KRT6B: variants seen among roughly 807,000 people sequenced by gnomAD.
The protein encoded by KRT6B is keratin 6B.
Under a neutral mutation model 44.7 loss-of-function variants are expected in KRT6B, and 29 were observed. That is an observed-to-expected ratio of 0.65 (90% CI 0.48 to 0.88). The LOEUF (loss-of-function observed/expected upper bound fraction) is 0.88, where lower values mean the gene tolerates loss of function less well. Ranked by LOEUF, KRT6B falls within the 40% of genes least tolerant of loss-of-function variation. The pLI, the probability that KRT6B is intolerant of heterozygous loss-of-function variation, is 0.00. For synonymous variants in KRT6B, 213 were observed against 296.0 expected (o/e 0.72, Z 2.88); for missense variants, 600 against 724.0 (o/e 0.83, Z 1.97).
Position 52,446,822 on chromosome 12 carries a change from T to C in KRT6B, c.*368A>G, listed in dbSNP as rs906552218. 3 of 321,322 alleles carry C rather than the reference T, an allele frequency of 9.3e-6. No homozygotes were observed. Among genetic ancestry groups the C allele is most frequent in the African/African-American group, 6.3e-5 (3 of 47,382 alleles). 19.9% of individuals were successfully genotyped at this position (321,322 alleles called of 1,614,324 possible). A position where few individuals can be genotyped will look rare whatever the true frequency, so the allele number is the denominator to read the frequency against. ...AGATGAGAACTCCTGAGTGTAGCTA[T>C]AATGGGCAGGATGGTTAGCAATTAA... is the stretch of plus-strand genomic sequence containing the variant. On this transcript the variant is annotated 3_prime_UTR_variant, in exon 9 of 9. Coordinates refer to ENST00000252252, the MANE Select transcript of KRT6B (RefSeq NM_005555.4).
chr12:52,448,416 C>G (rs1940346882), intron 6 of KRT6B, among the ~76,000 whole-genome samples: 1 of 152,180 alleles, frequency 6.6e-6, no homozygotes, highest in African/African-American at 2.4e-5. Flanking sequence ...GCCTCACATC[C>G]TCTCACCTGC....
rs1940353079 is a variant in KRT6B at position 52,448,887 on chromosome 12, G to A, written c.1158C>T (p.Arg386=). ...TCTCAGATCTCAGCCTCTGGATCAT[G>A]CGGTTGATCTCAGCAATCTCCTGCT... ...NTKQEIAEIN[R]MIQRLRSEID... The change falls in exon 6 of 9, where the codon CGC becomes CGT. Residue 386 remains arginine (R), a synonymous_variant. Transcript: ENST00000252252. 1.2e-6 allele frequency: 2 copies of A among 1,613,990 alleles called. No homozygotes were observed. Among genetic ancestry groups the A allele is most frequent in the African/African-American group, 1.3e-5 (1 of 74,966 alleles).
chr12:52,450,839 A>G (rs1342406150), intron 1 of KRT6B, among the ~76,000 whole-genome samples: 3 of 152,230 alleles, frequency 2.0e-5, no homozygotes, highest in Admixed American at 6.5e-5. Context: ...GTGTTCTCGC[A>G]CTGTAAGCTA....
At chr12:52,449,346 A>T (rs1269440323) in intron 5 of KRT6B, 123 bp downstream of exon 5, 8 of 1,401,322 alleles carry the variant, frequency 5.7e-6, no homozygotes, top group African/African-American at 1.4e-5. Flanking sequence ...AATAGTGCAG[A>T]GTGCATGTCC....
At chr12:52,451,201 T>C (rs1269618332) in intron 1 of KRT6B, among the ~76,000 whole-genome samples, 1 of 151,242 alleles carries the variant, frequency 6.6e-6, no homozygotes, top group East Asian at 1.9e-4. Flanking sequence ...CAGAGTGTAA[T>C]TTACCAGCCC....
In KRT6B at chr12:52,447,550, T is replaced by A; in HGVS notation, c.1448A>T (p.Gln483Leu). The A allele has an allele frequency of 6.2e-7, 1 of 1,613,974 alleles. No individual in the cohort carries two copies. The highest frequency in any genetic ancestry group is 8.5e-7 in the Non-Finnish European group (1 of 1,179,870). Residue 483 changes from glutamine (Q) to leucine (L), a missense_variant, in exon 8 of 9, where the codon CAA (glutamine) becomes CTA (leucine). Around this residue, in one of 4 missense-constraint regions of KRT6B, gnomAD observed 479 missense variants for 454.2 expected, o/e 1.05. Coordinates refer to ENST00000252252, the MANE Select transcript of KRT6B (RefSeq NM_005555.4). ...ECRLNGEGVG[Q>L]VNISVVQSTV... Reference sequence around the variant, plus strand: ...ACAAAGGTACTTACAGATGTTGACTTGTCCAACGCCTTCGCCATTCAGCCT... The same window carrying A: ...ACAAAGGTACTTACAGATGTTGACTAGTCCAACGCCTTCGCCATTCAGCCT...
intron 6 of KRT6B, 79 bp from the exon 7 acceptor site, chr12:52,448,077 G>A: frequency 6.3e-7 from 1 of 1,582,904 alleles, no homozygotes; most frequent in African/African-American, 1.3e-5. Context: ...CTTTTCCAGT[G>A]AAGAAGGCAC....
At chr12:52,447,517 G>A in intron 8 of KRT6B, 22 bp downstream of exon 8, 1 of 1,614,084 alleles carries the variant, frequency 6.2e-7, no homozygotes, top group Non-Finnish European at 8.5e-7. Flanking sequence ...GGCAGGGGAG[G>A]AAGGCAAACA....
intron 6 of KRT6B, 141 bp downstream of exon 6, chr12:52,448,701 C>T (rs1940350120): frequency 1.4e-6 from 2 of 1,393,466 alleles, no homozygotes; most frequent in East Asian, 2.4e-5. Flanking sequence ...AGAGTGTTCT[C>T]ACTGAGCCTA....
In KRT6B at chr12:52,449,623, T is replaced by G. The variant is rs756807390; in HGVS notation, c.923A>C (p.Gln308Pro). ...TGTGTCTGAGATGTGGGTCTGCATCTGGGACAGCTCCTGCAGAACAGAAGG... is the reference window on the plus strand; with the variant it reads ...TGTGTCTGAGATGTGGGTCTGCATCGGGGACAGCTCCTGCAGAACAGAAGG... The part of the protein sequence containing the change: ...LRALYDAELS[Q>P]MQTHISDTSV... Residue 308 changes from glutamine to proline, a missense_variant, in exon 5 of 9, where the codon CAG becomes CCG. Around this residue, in one of 4 missense-constraint regions of KRT6B, gnomAD observed 479 missense variants for 454.2 expected, o/e 1.05. Transcript: ENST00000252252. 1.9e-6 allele frequency: 3 copies of G among 1,614,212 alleles called. No homozygotes were observed. In the Admixed American group the frequency reaches 5.0e-5, roughly 27 times the overall value.
chr12:52,450,958 C>T (rs192799871), intron 1 of KRT6B, among the ~76,000 whole-genome samples: 12 of 152,002 alleles, frequency 7.9e-5, no homozygotes, highest in Admixed American at 3.3e-4. Context: ...TTTTTTTTAC[C>T]GAGAGGATCT....
At chr12:52,449,959 G>C (rs571489073) in intron 3 of KRT6B, 53 bp downstream of exon 3, 1 of 1,613,884 alleles carries the variant, frequency 6.2e-7, no homozygotes, top group East Asian at 2.2e-5. Context: ...CGAGGACACA[G>C]AGCCACTTCT....
In KRT6B at chr12:52,447,302, C is replaced by A; in HGVS notation, c.1583G>T (p.Ser528Ile). 1 of 1,614,056 alleles carries A rather than the reference C, an allele frequency of 6.2e-7. No individual in the cohort carries two copies. The highest frequency in any genetic ancestry group is 8.5e-7 in the Non-Finnish European group (1 of 1,179,884). Residue 528 changes from serine to isoleucine, a missense_variant, in exon 9 of 9, where the codon AGT (serine) becomes ATT (isoleucine). This residue lies in a region of KRT6B where 479 missense variants were observed against 454.2 expected (regional missense o/e 1.05). Coordinates refer to ENST00000252252, the MANE Select transcript of KRT6B (RefSeq NM_005555.4). ...GSGLGVGGGF[S>I]SSSGRATGGG... ...CCCAGTGGCTCTGCCGCTGCTGGAACTAAAGCCGCCTCCAACGCCAAGACC... is the reference window on the plus strand; with the variant it reads ...CCCAGTGGCTCTGCCGCTGCTGGAAATAAAGCCGCCTCCAACGCCAAGACC...
chr12:52,449,977 T>G lies in KRT6B; in HGVS notation c.816+35A>C, dbSNP rs753915159. On this transcript the variant is annotated intron_variant, in intron 3 of 8. Coordinates refer to ENST00000252252, the MANE Select transcript of KRT6B (RefSeq NM_005555.4). ...GGACACAGAGCCACTTCTCTCCTTC[T>G]AAATGAATTTGAACCCCTGGCTTCA... is the stretch of plus-strand genomic sequence containing the variant. 3 of 1,613,814 alleles carry G rather than the reference T, an allele frequency of 1.9e-6. No individual in the cohort carries two copies. The Admixed American group carries it at 5.0e-5, about 27-fold the overall frequency.
chr12:52,450,049 C>T lies in KRT6B; in HGVS notation c.779G>A (p.Arg260His), dbSNP rs377313061. ...KNKYEDEINK[R>H]TAAENEFVTL... Reference sequence around the variant, plus strand: ...CACAAATTCATTCTCTGCTGCTGTGCGCTTGTTGATTTCATCCTCATATCT... The same window carrying T: ...CACAAATTCATTCTCTGCTGCTGTGTGCTTGTTGATTTCATCCTCATATCT... The change falls in exon 3 of 9, where the codon CGC (arginine) becomes CAC (histidine). Residue 260 changes from arginine to histidine, a missense_variant. Arg to His is a conservative substitution (Grantham distance 29). Coordinates refer to ENST00000252252, the MANE Select transcript of KRT6B (RefSeq NM_005555.4). 4.0e-5 allele frequency: 65 copies of T among 1,613,822 alleles called. No individual in the cohort carries two copies. The highest frequency in any genetic ancestry group is 1.5e-4 in the Admixed American group (9 of 59,996).
At chr12:52,450,276 C>G in intron 2 of KRT6B, 130 bp downstream of exon 2, 1 of 1,439,768 alleles carries the variant, frequency 6.9e-7, no homozygotes, top group Non-Finnish European at 9.7e-7. Flanking sequence ...GTGGTTCTTG[C>G]AGGTTTGCTC....
Position 52,447,390 on chromosome 12 carries a change from C to T in KRT6B, c.1495G>A (p.Gly499Ser), listed in dbSNP as rs61746355. 49,833 of 1,614,014 alleles carry T rather than the reference C, an allele frequency of 0.031. 943 individuals carry two copies. The highest frequency in any genetic ancestry group is 0.039 in the Middle Eastern group (236 of 6,058). Residue 499 changes from glycine to serine, a missense_variant, in exon 9 of 9, where the codon GGT (glycine) becomes AGT (serine). Around this residue, in one of 4 missense-constraint regions of KRT6B, gnomAD observed 479 missense variants for 454.2 expected, o/e 1.05. Transcript: ENST00000252252. ...VQSTVSSGYG[G>S]ASGVGSGLGL... The stretch of plus-strand genomic sequence containing the variant: ...AAGCCACTGCCGACACCGCTGGCAC[C>T]GCCATAGCCACTGGAGACGGTGGAC...
At position 52,451,871 on chromosome 12, in the gene KRT6B, T is replaced by C; in HGVS notation, c.208A>G (p.Ile70Val). 4.3e-6 allele frequency: 7 copies of C among 1,612,156 alleles called. No individual in the cohort carries two copies. Among genetic ancestry groups the C allele is most frequent in the Non-Finnish European group, 5.9e-6 (7 of 1,179,888 alleles). Reference protein sequence around the residue: ...SLYGLGGSKRISIGGGSCAIS... With the variant: ...SLYGLGGSKRVSIGGGSCAIS... ...GCACAGCTGCCCCCTCCAATGGAGA[T>C]CCTCTTGGAGCCCCCCAGGCCATAC... is the stretch of plus-strand genomic sequence containing the variant. The change falls in exon 1 of 9, where the codon ATC becomes GTC. Residue 70 changes from isoleucine to valine, a missense_variant. This residue lies in a region of KRT6B where 78 missense variants were observed against 97.5 expected (regional missense o/e 0.80). Coordinates refer to ENST00000252252, the MANE Select transcript of KRT6B (RefSeq NM_005555.4).
rs1296997815 is a variant in KRT6B, at chr12:52,452,115, A to G, written c.-37T>C. 3 of 1,613,992 alleles carry G rather than the reference A, an allele frequency of 1.9e-6. No homozygotes were observed. The highest frequency in any genetic ancestry group is 3.3e-5 in the Admixed American group (2 of 60,006). The stretch of plus-strand genomic sequence containing the variant: ...ATGAGAGGGCTTAGGAGAGTGTGAG[A>G]GGCTGGAGGCGAGAGGGAGGAGAAG... On this transcript the variant is annotated 5_prime_UTR_variant, in exon 1 of 9. Coordinates refer to ENST00000252252, the MANE Select transcript of KRT6B (RefSeq NM_005555.4).
Sources: gnomAD v4.1 joint callset for allele counts (sites outside exome capture counted in the v4.1 genomes callset) on GRCh38, gnomAD v4.1.1 for gene constraint, gnomAD v4.1.1 regional missense constraint, MANE v1.5 for transcripts, NCBI Gene and HGNC (gene_info 2026-07-23, HGNC 2026-07-21) for gene names.